Variants in ABCA6 observed in about 807,000 individuals in gnomAD.
ABCA6 encodes ATP binding cassette subfamily A member 6, also known as ATP-binding cassette sub-family A member 6.
A neutral mutation model predicts 191.2 loss-of-function variants in ABCA6; 164 were observed. That is an observed-to-expected ratio of 0.86 (90% CI 0.76 to 0.98). The LOEUF (loss-of-function observed/expected upper bound fraction) is 0.98, where lower values mean the gene tolerates loss of function less well. Among genes scored for constraint, ABCA6 ranks in the 50% least tolerant of loss-of-function variants. The probability of loss-of-function intolerance (pLI) is 0.00; values close to 1 mark genes in which losing one functional copy is unlikely to be tolerated. For synonymous variants in ABCA6, 636 were observed against 647.7 expected (o/e 0.98, Z 0.27); for missense variants, 1,958 against 1,894.1 (o/e 1.03, Z -0.63).
rs143326198 is a variant in ABCA6 at position 69,083,300 on chromosome 17, C to G, written c.4387G>C (p.Glu1463Gln). ...TGGGTGGTCAGGAGGACACCTCTCT[C>G]TGTGTTTTTAACGACTGCCTGGATT... ...QAIQAVVKNT[E>Q]RGVLLTTHNL... Residue 1463 changes from glutamate to glutamine, a missense_variant, in exon 35 of 39, where the codon GAG becomes CAG. By Grantham distance (29) the Glu-to-Gln change is conservative (BLOSUM62 2). Transcript: ENST00000284425. 722 of 1,602,344 alleles carry G rather than the reference C, an allele frequency of 4.5e-4. 13 individuals are homozygous for G. In the East Asian group the frequency reaches 0.014, roughly 31 times the overall value.
chr17:69,115,327 T>C, intron 12 of ABCA6, 49 bp downstream of exon 12: 1 of 1,381,120 alleles, frequency 7.2e-7, no homozygotes, highest in Non-Finnish European at 1.0e-6. Context: ...ATGCTTGACC[T>C]CATTCTATTA....
intron 15 of ABCA6, 115 bp downstream of exon 15, chr17:69,113,107 T>A (rs1233209052): frequency 2.4e-6 from 3 of 1,271,306 alleles, no homozygotes; most frequent in Non-Finnish European, 3.1e-6. Context: ...TCCTGACTGC[T>A]ATAGAATGTA....
intron 21 of ABCA6, among the ~76,000 whole-genome samples, chr17:69,102,180 T>G (rs2073196443): frequency 6.6e-6 from 1 of 152,104 alleles, no homozygotes; most frequent in Non-Finnish European, 1.5e-5. Flanking sequence ...ACCCACTCTC[T>G]ACCAAATATT....
chr17:69,082,328 A>C (rs1013814845), intron 36 of ABCA6, among the ~76,000 whole-genome samples: 3 of 144,906 alleles, frequency 2.1e-5, no homozygotes, highest in South Asian at 2.3e-4. Context: ...GACATACACA[A>C]ACACACACAC....
intron 20 of ABCA6, chr17:69,105,219 T>A (rs1402939589): frequency 2.2e-6 from 1 of 445,618 alleles, no homozygotes; most frequent in Admixed American, 4.2e-5. Flanking sequence ...GGTAGTCAGG[T>A]AGAGAGACGT....
chr17:69,136,676 T>A (rs1386611821), intron 3 of ABCA6, among the ~76,000 whole-genome samples: 1 of 152,174 alleles, frequency 6.6e-6, no homozygotes, highest in Non-Finnish European at 1.5e-5. Context: ...GTGACTCTAT[T>A]TTCAATAGCC....
rs776160944 is a variant in ABCA6, at chr17:69,137,471, C to T, written c.126G>A (p.Leu42=). The change falls in exon 3 of 39, where the codon CTG becomes CTA. Residue 42 remains leucine, a synonymous_variant. Transcript: ENST00000284425. ...TGGAACTGGAAAACAGAGCAATACA[C>T]AGTCCTAGAAGTATTGAGAGGCCCC... is the stretch of plus-strand genomic sequence containing the variant. ...LEWGLSILLG[L]CIALFSSSMR... The T allele has an allele frequency of 2.5e-6, 4 of 1,613,590 alleles. No individual in the cohort carries two copies. The highest frequency in any genetic ancestry group is 8.5e-7 in the Non-Finnish European group (1 of 1,179,718).
chr17:69,129,534 C>T, intron 7 of ABCA6, 76 bp downstream of exon 7: 1 of 1,279,252 alleles, frequency 7.8e-7, no homozygotes, highest in Non-Finnish European at 1.1e-6. Context: ...TTGCAGTAAC[C>T]TACTAGGGCA....
chr17:69,100,759 ATTCTTAATTGTTTAG>A, intron 22 of ABCA6, 23 bp downstream of exon 22: 1 of 1,547,654 alleles, frequency 6.5e-7, no homozygotes, highest in Non-Finnish European at 8.7e-7. Context: ...TATTTGTCCA[ATTCTTAATTGTTTAG>A]ACTCAGTAAA....
Position 69,134,536 on chromosome 17 carries a change from G to A in ABCA6, c.564+103C>T, listed in dbSNP as rs2073917625. ...ATTACCCAATCTCAAGTATTTTGTT[G>A]TAGCAGTACAAACGGACTAAGACAA... On this transcript the variant is annotated intron_variant, in intron 5 of 38. Coordinates refer to ENST00000284425, the MANE Select transcript of ABCA6 (RefSeq NM_080284.3). The A allele has an allele frequency of 3.8e-6, 3 of 781,830 alleles. No homozygotes were observed. The Admixed American group carries it at 7.6e-5, about 20-fold the overall frequency. 48.4% of individuals were successfully genotyped at this position (781,830 alleles called of 1,614,324 possible). A position where few individuals can be genotyped will look rare whatever the true frequency, so the allele number is the denominator to read the frequency against.
intron 30 of ABCA6, 36 bp from the exon 31 acceptor site, chr17:69,085,752 G>T: frequency 1.4e-6 from 2 of 1,385,434 alleles, no homozygotes; most frequent in Non-Finnish European, 2.1e-6. Context: ...TATTGGAAGT[G>T]AAATACTGAA....
chr17:69,089,359 C>G (rs569391528), intron 27 of ABCA6, 106 bp downstream of exon 27: 151 of 1,033,320 alleles, frequency 1.5e-4, no homozygotes, highest in Admixed American at 2.4e-4. Flanking sequence ...TATCTAAGAT[C>G]ATATAAAAAC....
At chr17:69,129,845 C>T (rs1161505905) in intron 6 of ABCA6, 94 bp from the exon 7 acceptor site, 9 of 897,826 alleles carry the variant, frequency 1.0e-5, no homozygotes, top group Non-Finnish European at 1.3e-5. Flanking sequence ...GTAATGACTA[C>T]CCTTGTACCT....
Position 69,089,502 on chromosome 17 carries a change from A to C in ABCA6, c.3569T>G (p.Phe1190Cys). The C allele has an allele frequency of 6.2e-7, 1 of 1,613,748 alleles. No individual in the cohort carries two copies. The change falls in exon 27 of 39, where the codon TTT (phenylalanine) becomes TGT (cysteine). Residue 1190 changes from phenylalanine (F) to cysteine (C), a missense_variant. Physicochemically the swap from Phe to Cys is radical, Grantham distance 205. Transcript: ENST00000284425. Reference protein sequence around the residue: ...EHYREFPEANFELSATDFLVC... With the variant: ...EHYREFPEANCELSATDFLVC... ...TAGAAAATCAGTGGCACTCAATTCA[A>C]AATTTGCCTCTGGAAATTCTCTGTA...
rs1346542238 is a variant in ABCA6, at chr17:69,137,510, A to G, written c.97-10T>C. The G allele has an allele frequency of 6.3e-7, 1 of 1,599,470 alleles. No individual in the cohort carries two copies. Among genetic ancestry groups the G allele is most frequent in the Non-Finnish European group, 8.5e-7 (1 of 1,174,448 alleles). On this transcript the variant is annotated splice_polypyrimidine_tract_variant and intron_variant, in intron 2 of 38. Transcript: ENST00000284425. ...TTGAGAGGCCCCATTCCTGTAATGC[A>G]TATAAAAAGAAAAATAATGAATTAA...
intron 3 of ABCA6, among the ~76,000 whole-genome samples, chr17:69,137,074 A>G (rs77426710): frequency 0.035 from 5,260 of 152,308 alleles, 130 homozygotes; most frequent in South Asian, 0.061. Context: ...ATATTCCAGT[A>G]GAAATATGGA....
At chr17:69,082,721 C>G (rs2072672300) in intron 36 of ABCA6, 152 bp downstream of exon 36, 1 of 1,216,992 alleles carries the variant, frequency 8.2e-7, no homozygotes, top group South Asian at 1.6e-5. Context: ...AGGTCTCAAT[C>G]TCTTATAATC....
At chr17:69,112,536 A>C (rs1316552142) in intron 15 of ABCA6, 1 of 337,430 alleles carries the variant, frequency 3.0e-6, no homozygotes, top group Non-Finnish European at 5.4e-6. Context: ...TATTATCATA[A>C]GTGAAACAAC....
intron 10 of ABCA6, 53 bp downstream of exon 10, chr17:69,123,186 A>G: frequency 1.7e-6 from 2 of 1,183,668 alleles, no homozygotes; most frequent in Non-Finnish European, 2.2e-6. Context: ...AAAAATAATA[A>G]TAATTCTTCA....
Sources: gnomAD v4.1 joint callset for allele counts (sites outside exome capture counted in the v4.1 genomes callset) on GRCh38, gnomAD v4.1.1 for gene constraint, MANE v1.5 for transcripts, NCBI Gene and HGNC (gene_info 2026-07-23, HGNC 2026-07-21) for gene names.